Variants in ACSM5 observed in about 807,000 individuals in gnomAD.
ACSM5 encodes the protein acyl-CoA synthetase medium chain family member 5, also known as acyl-coenzyme A synthetase ACSM5, mitochondrial.
ACSM5 carries 56 observed loss-of-function variants against 71.6 expected under a neutral mutation model. The ratio of observed to expected loss-of-function variants is 0.78; its 90% CI spans 0.63 to 0.98. The LOEUF (loss-of-function observed/expected upper bound fraction) is 0.98. Ranked by LOEUF, ACSM5 falls within the 50% of genes least tolerant of loss-of-function variation. ACSM5 has a pLI of 0.00. For synonymous variants in ACSM5, 285 were observed against 281.5 expected, an observed-to-expected ratio of 1.01 and a Z score of -0.12; for missense variants, 723 against 726.0, an observed-to-expected ratio of 1.00 and a Z score of 0.05.
chr16:20,427,246 G>A (rs1188027536), intron 6 of ACSM5, among the ~76,000 whole-genome samples: 2 of 152,130 alleles, frequency 1.3e-5, no homozygotes, highest in Non-Finnish European at 2.9e-5. Flanking sequence ...GTTGCAGTGA[G>A]CTGAGATCTT....
chr16:20,434,464 C>T (rs761385006), intron 10 of ACSM5, among the ~76,000 whole-genome samples: 4 of 152,160 alleles, frequency 2.6e-5, no homozygotes, highest in Non-Finnish European at 4.4e-5. Flanking sequence ...GAGGCCAAGG[C>T]TGGTGGATCA....
At chr16:20,426,985 G>C (rs1248588985) in intron 6 of ACSM5, among the ~76,000 whole-genome samples, 1 of 151,612 alleles carries the variant, frequency 6.6e-6, no homozygotes, top group African/African-American at 2.4e-5. Context: ...CTTAAGGATT[G>C]ACTGAAGCTG....
At chr16:20,424,188 T>C (rs2141650293) in intron 6 of ACSM5, 119 bp downstream of exon 6, 1 of 1,278,658 alleles carries the variant, frequency 7.8e-7, no homozygotes, top group Non-Finnish European at 1.1e-6. Context: ...TTCTTTGGTG[T>C]GGCTCCCTGG....
chr16:20,430,868 G>C lies in ACSM5; in HGVS notation c.1126-125G>C, dbSNP rs569986748. 6.1e-5 allele frequency: 40 copies of C among 659,926 alleles called. 1 individual carries two copies. The South Asian group carries it at 8.6e-4, about 14-fold the overall frequency. The allele number at this position is 659,926 out of a possible 1,614,324, so 40.9% of individuals were successfully genotyped here. A position where few individuals can be genotyped will look rare whatever the true frequency, so the allele number is the denominator to read the frequency against. ...GAGAGAGGAGAAGGGAAAGAAAGAA[G>C]AAAGTGAGGGAGGAGAAAAAAGAGG... On this transcript the variant is annotated intron_variant, in intron 8 of 13. Transcript: ENST00000331849.
intron 10 of ACSM5, among the ~76,000 whole-genome samples, chr16:20,435,260 T>C (rs1284513356): frequency 6.6e-6 from 1 of 152,226 alleles, no homozygotes; most frequent in Non-Finnish European, 1.5e-5. Flanking sequence ...CTTGAACTTC[T>C]GACCTCAGGT....
chr16:20,419,827 A>G, intron 4 of ACSM5: 1 of 260,018 alleles, frequency 3.8e-6, no homozygotes, highest in East Asian at 9.7e-5. Context: ...CTTCACCTTC[A>G]TTCATTCATG....
chr16:20,431,102 GC>G (rs1967088276), intron 9 of ACSM5, 29 bp downstream of exon 9: 1 of 1,608,494 alleles, frequency 6.2e-7, no homozygotes, highest in Admixed American at 1.7e-5. Flanking sequence ...TTCTGGCAAG[GC>G]CTGGCATGGA....
chr16:20,412,065 G>T (rs568312076), intron 2 of ACSM5: 9 of 254,764 alleles, frequency 3.5e-5, no homozygotes, highest in East Asian at 2.0e-4. Flanking sequence ...AGGAAAGAAG[G>T]CCGGGCGCGG....
chr16:20,418,029 C>CTTTT, intron 2 of ACSM5, 30 bp from the exon 3 acceptor site: 1 of 1,550,602 alleles, frequency 6.4e-7, no homozygotes, highest in Admixed American at 1.9e-5. Flanking sequence ...TAAATTGCTT[C>CTTTT]TTTTTTTTTC....
intron 12 of ACSM5, among the ~76,000 whole-genome samples, chr16:20,438,364 T>C (rs1408529950): frequency 6.6e-6 from 1 of 151,908 alleles, no homozygotes; most frequent in African/African-American, 2.4e-5. Context: ...GATTCTTGTT[T>C]AAAATATAGA....
intron 7 of ACSM5, 47 bp from the exon 8 acceptor site, chr16:20,429,631 A>C: frequency 6.2e-7 from 1 of 1,609,536 alleles, no homozygotes; most frequent in Non-Finnish European, 8.5e-7. Flanking sequence ...GGGCGGGGTG[A>C]TATGAAGATC....
intron 5 of ACSM5, among the ~76,000 whole-genome samples, chr16:20,423,456 CT>C: frequency 6.6e-6 from 1 of 152,344 alleles, no homozygotes; most frequent in East Asian, 1.9e-4. Flanking sequence ...TCCATCATTG[CT>C]CTGGGTTAGG....
rs1967087811 is a variant in ACSM5 at position 20,431,085 on chromosome 16, C to T, written c.1206+12C>T. ...CCTACGATGTGCAGGTAGCAGCCTC[C>T]CCCAACTTCTGGCAAGGCCTGGCAT... On this transcript the variant is annotated intron_variant, in intron 9 of 13. Transcript: ENST00000331849. 1 of 1,611,078 alleles carries T rather than the reference C, an allele frequency of 6.2e-7. No individual in the cohort carries two copies. Among genetic ancestry groups the T allele is most frequent in the Admixed American group, 1.7e-5 (1 of 59,656 alleles).
chr16:20,411,368 C>A lies in ACSM5; in HGVS notation c.-15-102C>A, dbSNP rs76340392. 3.2e-3 allele frequency: 2,773 copies of A among 874,530 alleles called. 49 individuals carry two copies. The African/African-American group carries it at 0.041, about 13-fold the overall frequency. 54.2% of individuals were successfully genotyped at this position (874,530 alleles called of 1,614,324 possible). On this transcript the variant is annotated intron_variant, in intron 1 of 13. Transcript: ENST00000331849. Reference sequence around the variant, plus strand: ...GTTTATTCTACAAGTCAGTAAGGATCACAGTCACCATCAGCACTAACCACA... The same window carrying A: ...GTTTATTCTACAAGTCAGTAAGGATAACAGTCACCATCAGCACTAACCACA...
At chr16:20,433,149 C>T (rs1363283180) in intron 10 of ACSM5, among the ~76,000 whole-genome samples, 1 of 152,188 alleles carries the variant, frequency 6.6e-6, no homozygotes, top group African/African-American at 2.4e-5. Flanking sequence ...GCATCAGCCA[C>T]AGTGCCCGGC....
In ACSM5 at chr16:20,411,683, G is replaced by C. The variant is rs754696449; in HGVS notation, c.199G>C (p.Glu67Gln). The C allele has an allele frequency of 2.5e-6, 4 of 1,613,666 alleles. No homozygotes were observed. The South Asian group carries it at 4.4e-5, about 18-fold the overall frequency. Residue 67 changes from glutamate (E) to glutamine (Q), a missense_variant, in exon 2 of 14, where the codon GAA becomes CAA. Coordinates refer to ENST00000331849, the MANE Select transcript of ACSM5 (RefSeq NM_017888.3). Reference sequence around the variant, plus strand: ...TGTGCTGGATGTGTGGAGTCGGCTGGAAGAGGTGAAGCCTGTTCTGTCCTA... The same window carrying C: ...TGTGCTGGATGTGTGGAGTCGGCTGCAAGAGGTGAAGCCTGTTCTGTCCTA... ...HDVLDVWSRLEEAGHRPPNPA... is the reference protein window; with the variant it reads ...HDVLDVWSRLQEAGHRPPNPA...
chr16:20,431,186 C>T, intron 9 of ACSM5, 34 bp from the exon 10 acceptor site: 2 of 1,598,666 alleles, frequency 1.3e-6, no homozygotes, highest in South Asian at 2.2e-5. Flanking sequence ...TGTAGACACT[C>T]ACGTATGCAC....
intron 2 of ACSM5, among the ~76,000 whole-genome samples, chr16:20,415,483 T>C (rs112936996): frequency 0.044 from 6,742 of 152,264 alleles, 160 homozygotes; most frequent in South Asian, 0.059. Flanking sequence ...GAGACATACA[T>C]GAGAGAACCA....
intron 4 of ACSM5, chr16:20,420,971 CAT>C (rs1404782076): frequency 4.6e-6 from 1 of 216,602 alleles, no homozygotes; most frequent in Non-Finnish European, 9.0e-6. Context: ...TAGACATGGA[CAT>C]GTGTGTGTTC....
Sources: allele counts gnomAD v4.1 joint callset (sites outside exome capture counted in the v4.1 genomes callset), GRCh38; gene constraint gnomAD v4.1.1; transcripts MANE v1.5; gene names NCBI Gene and HGNC (gene_info 2026-07-23, HGNC 2026-07-21).